ARHGAP42: variants seen among roughly 807,000 people sequenced by gnomAD.
The protein encoded by ARHGAP42 is Rho GTPase activating protein 42, also known as rho GTPase-activating protein 42.
ARHGAP42 carries 63 observed loss-of-function variants against 125.0 expected under a neutral mutation model. The observed-to-expected ratio is 0.50, with a 90% CI of 0.41 to 0.62. The LOEUF is 0.62. Ranked by LOEUF, ARHGAP42 falls within the 20% of genes least tolerant of loss-of-function variation. The probability of loss-of-function intolerance (pLI) is 0.00; values close to 1 mark genes in which losing one functional copy is unlikely to be tolerated. For synonymous variants in ARHGAP42, 339 were observed against 351.0 expected (o/e 0.97, Z 0.38); for missense variants, 766 against 1,024.2 (o/e 0.75, Z 3.44).
chr11:100,795,022 T>C, intron 2 of ARHGAP42, 83 bp from the exon 3 acceptor site: 1 of 1,057,134 alleles, frequency 9.5e-7, no homozygotes, highest in Non-Finnish European at 1.4e-6. Flanking sequence ...AATAACCAGC[T>C]TTCTTGTAAT....
chr11:100,786,333 C>A (rs1158255447), intron 2 of ARHGAP42, among the ~76,000 whole-genome samples: 1 of 152,154 alleles, frequency 6.6e-6, no homozygotes, highest in African/African-American at 2.4e-5. Context: ...TGACAAAAAT[C>A]TCAGTAAAGT....
chr11:100,778,758 A>G (rs1863194996), intron 2 of ARHGAP42, among the ~76,000 whole-genome samples: 1 of 152,220 alleles, frequency 6.6e-6, no homozygotes, highest in Admixed American at 6.5e-5. Flanking sequence ...GAAATTCAAA[A>G]GCTTAGGTGT....
intron 6 of ARHGAP42, among the ~76,000 whole-genome samples, chr11:100,922,492 T>C (rs548250565): frequency 3.4e-4 from 52 of 152,338 alleles, no homozygotes; most frequent in African/African-American, 1.3e-3. Context: ...ATCTGTTGTC[T>C]GCATTCTTCA....
chr11:100,961,879 A>G, intron 15 of ARHGAP42, 111 bp downstream of exon 15: 1 of 775,744 alleles, frequency 1.3e-6, no homozygotes, highest in South Asian at 1.9e-5. Context: ...TCAGTAGCTC[A>G]GTTCCCTTAC....
chr11:100,759,031 T>G (rs1862640274), intron 1 of ARHGAP42, among the ~76,000 whole-genome samples: 1 of 152,200 alleles, frequency 6.6e-6, no homozygotes, highest in Non-Finnish European at 1.5e-5. Context: ...TTTAACTGAA[T>G]GCTCACTCCA....
At chr11:100,719,399 T>C (rs911796109) in intron 1 of ARHGAP42, among the ~76,000 whole-genome samples, 2 of 152,220 alleles carry the variant, frequency 1.3e-5, no homozygotes, top group Non-Finnish European at 2.9e-5. Context: ...TCAGTCTCCA[T>C]GGCAGCAAGG....
At chr11:100,692,299 A>G (rs754707610) in intron 1 of ARHGAP42, among the ~76,000 whole-genome samples, 13 of 152,254 alleles carry the variant, frequency 8.5e-5, no homozygotes, top group Non-Finnish European at 1.9e-4. Flanking sequence ...GCATGGAACT[A>G]TAATTCTATG....
At chr11:100,800,932 G>C (rs1483878587) in intron 3 of ARHGAP42, among the ~76,000 whole-genome samples, 1 of 152,164 alleles carries the variant, frequency 6.6e-6, no homozygotes, top group Non-Finnish European at 1.5e-5. Flanking sequence ...TTAAAACAAT[G>C]ATAGTATAGG....
At chr11:100,933,797 T>G (rs1408736092) in intron 7 of ARHGAP42, among the ~76,000 whole-genome samples, 1 of 152,008 alleles carries the variant, frequency 6.6e-6, no homozygotes. Context: ...GAGAAGTCTT[T>G]TTTTTTTTAA....
In ARHGAP42 at chr11:100,856,346, T is replaced by A. The variant is rs367722844; in HGVS notation, c.313-3208T>A. ...ATCCTACCAAAATTTTAACACCTTCTTGACTTCACACTTGGATTGCTTTAG... is the reference window on the plus strand; with the variant it reads ...ATCCTACCAAAATTTTAACACCTTCATGACTTCACACTTGGATTGCTTTAG... On this transcript the variant is annotated intron_variant, in intron 3 of 23. Transcript: ENST00000298815. Among the ~76,000 whole-genome samples the A allele has an allele frequency of 1.1e-4, 17 of 152,212 alleles. 1 individual carries two copies. The East Asian group carries it at 1.9e-3, about 17-fold the overall frequency.
intron 4 of ARHGAP42, among the ~76,000 whole-genome samples, chr11:100,900,197 T>C (rs1394432789): frequency 2.0e-5 from 3 of 152,200 alleles, no homozygotes; most frequent in Non-Finnish European, 2.9e-5. Context: ...AAATTCTGGG[T>C]TGAAAATTCT....
chr11:100,854,256 C>T (rs989102931), intron 3 of ARHGAP42, among the ~76,000 whole-genome samples: 2 of 151,936 alleles, frequency 1.3e-5, no homozygotes, highest in Non-Finnish European at 2.9e-5. Context: ...ATTAATTTTC[C>T]CAATATATTT....
intron 17 of ARHGAP42, 36 bp downstream of exon 17, chr11:100,965,812 T>C (rs1375372370): frequency 1.3e-6 from 2 of 1,488,756 alleles, no homozygotes; most frequent in Admixed American, 2.0e-5. Flanking sequence ...TTTAACTTAT[T>C]GTTCATTGTT....
intron 1 of ARHGAP42, among the ~76,000 whole-genome samples, chr11:100,703,805 A>C (rs1861436072): frequency 6.6e-6 from 1 of 152,204 alleles, no homozygotes; most frequent in Non-Finnish European, 1.5e-5. Context: ...TGCACTTCTC[A>C]GAAGTGAAAT....
At chr11:100,922,283 C>T (rs960487558) in intron 6 of ARHGAP42, among the ~76,000 whole-genome samples, 1 of 152,102 alleles carries the variant, frequency 6.6e-6, no homozygotes, top group African/African-American at 2.4e-5. Flanking sequence ...CATTTATTTT[C>T]CTAAGTCAGT....
At position 100,882,762 on chromosome 11, in the gene ARHGAP42, A is replaced by G. The variant is rs143383915; in HGVS notation, c.384+23137A>G. Among the ~76,000 whole-genome samples the G allele has an allele frequency of 4.7e-3, 718 of 151,992 alleles. 6 individuals carry two copies. Among genetic ancestry groups the G allele is most frequent in the African/African-American group, 0.017 (697 of 41,472 alleles). ...TTTGTTGGTAATAATTACCATTTCA[A>G]TCTTGCTGCTTGTTCTCTTCAGGGT... On this transcript the variant is annotated intron_variant, in intron 4 of 23. Transcript: ENST00000298815.
In ARHGAP42 at chr11:100,687,528, GGGGCCCGTTTCCTCCGCGCAATCA is replaced by G; in HGVS notation, c.-149_-126del. 3 of 461,556 alleles carry G rather than the reference GGGGCCCGTTTCCTCCGCGCAATCA, an allele frequency of 6.5e-6. No individual in the cohort carries two copies. Among genetic ancestry groups the G allele is most frequent in the Non-Finnish European group, 9.3e-6 (3 of 324,088 alleles). The allele number at this position is 461,556 out of a possible 1,614,324, so 28.6% of individuals were successfully genotyped here. A position where few individuals can be genotyped will look rare whatever the true frequency, so the allele number is the denominator to read the frequency against. On this transcript the variant is annotated 5_prime_UTR_variant, in exon 1 of 24. Coordinates refer to ENST00000298815, the MANE Select transcript of ARHGAP42 (RefSeq NM_152432.4). The stretch of plus-strand genomic sequence containing the variant: ...GCCCGGCGCAGGCGGCGCGGCGCTC[GGGGCCCGTTTCCTCCGCGCAATCA>G]GTCCCCTCGCGTCCCGGCGCCTTCC...
At chr11:100,845,466 A>G (rs1041765608) in intron 3 of ARHGAP42, among the ~76,000 whole-genome samples, 3 of 152,062 alleles carry the variant, frequency 2.0e-5, no homozygotes, top group African/African-American at 7.2e-5. Context: ...TACTAATGTA[A>G]CCAAATGCCA....
rs571030866 is a variant in ARHGAP42, at chr11:100,885,007, C to T, written c.384+25382C>T. 4.6e-5 allele frequency among the ~76,000 whole-genome samples: 7 copies of T among 152,072 alleles called. No homozygotes were observed. In the South Asian group the frequency reaches 6.2e-4, roughly 14 times the overall value. On this transcript the variant is annotated intron_variant, in intron 4 of 23. Transcript: ENST00000298815. Reference sequence around the variant, plus strand: ...CTAACCTCAGAACACCTTTTCTTCCCCAGTGAGCATGTGGCATATACCCAG... The same window carrying T: ...CTAACCTCAGAACACCTTTTCTTCCTCAGTGAGCATGTGGCATATACCCAG...
Sources: allele counts gnomAD v4.1 joint callset (sites outside exome capture counted in the v4.1 genomes callset), GRCh38; gene constraint gnomAD v4.1.1; transcripts MANE v1.5; gene names NCBI Gene and HGNC (gene_info 2026-07-23, HGNC 2026-07-21).